The following RBM19 variants were observed in gnomAD, a reference collection of about 807,000 sequenced individuals.
RBM19 encodes probable RNA-binding protein 19.
Under a neutral mutation model 116.8 loss-of-function variants are expected in RBM19, and 94 were observed. The ratio of observed to expected loss-of-function variants is 0.80; its 90% CI spans 0.68 to 0.95. RBM19 has a LOEUF of 0.95. Among genes scored for constraint, RBM19 ranks in the 40% least tolerant of loss-of-function variants. The pLI, the probability that RBM19 is intolerant of heterozygous loss-of-function variation, is 0.00. For missense variants in RBM19, 1,161 were observed against 1,220.7 expected (o/e 0.95, Z 0.73); for synonymous variants, 475 against 494.1 (o/e 0.96, Z 0.51).
chr12:113,918,566 G>T, intron 19 of RBM19, 119 bp from the exon 20 acceptor site: 1 of 1,027,830 alleles, frequency 9.7e-7, no homozygotes, highest in Non-Finnish European at 1.5e-6. Context: ...TCCCCGGGGA[G>T]TGGGGCTAGC....
At chr12:113,818,934 C>T (rs1364510936), downstream of RBM19, among the ~76,000 whole-genome samples, 1 of 152,226 alleles carries the variant, frequency 6.6e-6, no homozygotes, top group Admixed American at 6.5e-5. Context: ...CAGGGCCCTC[C>T]TCACCCATCC....
At chr12:113,856,315 G>A (rs996227316) in intron 22 of RBM19, among the ~76,000 whole-genome samples, 1 of 152,210 alleles carries the variant, frequency 6.6e-6, no homozygotes, top group African/African-American at 2.4e-5. Flanking sequence ...GAGCCACCTG[G>A]GCACTTGGTG....
At chr12:113,841,751 C>T (rs779005552) in intron 23 of RBM19, among the ~76,000 whole-genome samples, 24 of 152,238 alleles carry the variant, frequency 1.6e-4, no homozygotes, top group Admixed American at 9.8e-4. Flanking sequence ...GTGACGTTTG[C>T]TAGTATAACA....
intron 23 of RBM19, among the ~76,000 whole-genome samples, chr12:113,840,675 T>G (rs1248337307): frequency 3.9e-5 from 6 of 152,166 alleles, no homozygotes; most frequent in Non-Finnish European, 8.8e-5. Flanking sequence ...CTGCAGCTGT[T>G]CTGTCCCCAG....
At position 113,871,908 on chromosome 12, in the gene RBM19, C is replaced by T. The variant is rs1879235271; in HGVS notation, c.2559-13012G>A. ...AAGGAGCAGCCGCCTGCCTTGGCCTCCCAAAGTGCCGAGATTGCAGCCTCT... is the reference window on the plus strand; with the variant it reads ...AAGGAGCAGCCGCCTGCCTTGGCCTTCCAAAGTGCCGAGATTGCAGCCTCT... On this transcript the variant is annotated intron_variant, in intron 21 of 23. Coordinates refer to ENST00000261741, the MANE Select transcript of RBM19 (RefSeq NM_016196.4). 2.6e-5 allele frequency among the ~76,000 whole-genome samples: 4 copies of T among 152,038 alleles called. No homozygotes were observed. In the South Asian group the frequency reaches 8.3e-4, roughly 32 times the overall value.
chr12:113,869,891 T>C (rs999960222), intron 21 of RBM19, among the ~76,000 whole-genome samples: 1 of 152,206 alleles, frequency 6.6e-6, no homozygotes, highest in African/African-American at 2.4e-5. Context: ...GTGGTGAACA[T>C]TGTGCCTAAC....
chr12:113,854,580 C>G (rs191961032), intron 22 of RBM19, among the ~76,000 whole-genome samples: 4 of 152,294 alleles, frequency 2.6e-5, no homozygotes, highest in African/African-American at 9.6e-5. Flanking sequence ...TTCAGAGGGA[C>G]TGACATTTAC....
intron 18 of RBM19, among the ~76,000 whole-genome samples, chr12:113,922,655 T>C (rs1868689752): frequency 6.6e-6 from 1 of 151,786 alleles, no homozygotes; most frequent in Non-Finnish European, 1.5e-5. Context: ...AACTGGTCCT[T>C]CTCATAATTA....
At chr12:113,959,065 G>A in intron 5 of RBM19, 147 bp downstream of exon 5, 1 of 733,682 alleles carries the variant, frequency 1.4e-6, no homozygotes. Flanking sequence ...GAAGACAGAT[G>A]CACCTGCAGA....
intron 16 of RBM19, among the ~76,000 whole-genome samples, chr12:113,927,839 CGGAAAATA>C (rs904641392): frequency 1.1e-4 from 17 of 152,134 alleles, no homozygotes; most frequent in Non-Finnish European, 2.5e-4. Context: ...CAGGGAAAAA[CGGAAAATA>C]CTCTATGTTC....
rs142988965 is a variant in RBM19 at position 113,945,891 on chromosome 12, C to T, written c.1563G>A (p.Pro521=). Residue 521 remains proline, a synonymous_variant, in exon 13 of 24, where the codon CCG becomes CCA. Coordinates refer to ENST00000261741, the MANE Select transcript of RBM19 (RefSeq NM_016196.4). The stretch of plus-strand genomic sequence containing the variant: ...GTGCGATGGCATCGGCCACGGCATT[C>T]GGCCCCATGAATAGTGTGTTCCAGT... ...SHNWNTLFMG[P]NAVADAIAQK... The T allele has an allele frequency of 7.2e-5, 114 of 1,591,590 alleles. No homozygotes were observed. The African/African-American group carries it at 1.2e-3, about 16-fold the overall frequency.
At chr12:113,847,107 C>T (rs1877053108) in intron 22 of RBM19, among the ~76,000 whole-genome samples, 1 of 152,218 alleles carries the variant, frequency 6.6e-6, no homozygotes, top group Non-Finnish European at 1.5e-5. Context: ...ACTGCCACAT[C>T]TTGAGCCTCC....
chr12:113,835,277 AT>A (rs1401033412), intron 23 of RBM19, among the ~76,000 whole-genome samples: 2 of 152,004 alleles, frequency 1.3e-5, no homozygotes, highest in African/African-American at 2.4e-5. Flanking sequence ...ATGTATGTTC[AT>A]TTTTTCACCC....
chr12:113,930,185 C>T (rs1407432447), intron 16 of RBM19, among the ~76,000 whole-genome samples: 2 of 152,260 alleles, frequency 1.3e-5, no homozygotes, highest in Admixed American at 6.5e-5. Flanking sequence ...CTGCATCTGG[C>T]CTGCCCCAGA....
At chr12:113,936,092 T>A (rs201776555) in intron 16 of RBM19, among the ~76,000 whole-genome samples, 1 of 107,790 alleles carries the variant, frequency 9.3e-6, no homozygotes, top group African/African-American at 5.0e-5. Context: ...TTCCTCCCCA[T>A]TTTTTTTTAA....
At chr12:113,937,548 T>A (rs1870179064) in intron 15 of RBM19, among the ~76,000 whole-genome samples, 1 of 146,802 alleles carries the variant, frequency 6.8e-6, no homozygotes, top group South Asian at 2.3e-4. Flanking sequence ...TCTCTCTATG[T>A]GCATATATCC....
chr12:113,958,351 C>T (rs544205618), intron 5 of RBM19, among the ~76,000 whole-genome samples: 15 of 152,294 alleles, frequency 9.8e-5, no homozygotes, highest in African/African-American at 2.2e-4. Context: ...AGGTACAGGA[C>T]GGTCAGTCTC....
At chr12:113,843,118 G>C (rs1320124910) in intron 23 of RBM19, among the ~76,000 whole-genome samples, 1 of 152,266 alleles carries the variant, frequency 6.6e-6, no homozygotes, top group Non-Finnish European at 1.5e-5. Context: ...AGCAAGACCA[G>C]TGGCCCCACT....
At chr12:113,953,272 G>C (rs544193498) in intron 7 of RBM19, among the ~76,000 whole-genome samples, 1 of 152,338 alleles carries the variant, frequency 6.6e-6, no homozygotes, top group East Asian at 1.9e-4. Context: ...GTGATCACCC[G>C]AGGTCAGGAG....
Sources: allele counts gnomAD v4.1 joint callset (sites outside exome capture counted in the v4.1 genomes callset), GRCh38; gene constraint gnomAD v4.1.1; transcripts MANE v1.5; gene names NCBI Gene and HGNC (gene_info 2026-07-23, HGNC 2026-07-21).